The following PDXK variants were observed in gnomAD, a reference collection of about 807,000 sequenced individuals.
PDXK encodes the protein epididymis secretory sperm binding protein Li 1a.
Under a neutral mutation model 43.2 loss-of-function variants are expected in PDXK, and 15 were observed. That is an observed-to-expected ratio of 0.35 (90% confidence interval 0.23 to 0.53). The LOEUF (loss-of-function observed/expected upper bound fraction) is 0.53, where lower values mean the gene tolerates loss of function less well. Ranked by LOEUF, PDXK falls within the 20% of genes least tolerant of loss-of-function variation. The pLI is 0.92. For synonymous variants in PDXK, 172 were observed against 165.4 expected, an observed-to-expected ratio of 1.04 and a Z score of -0.31; for missense variants, 343 against 417.0, an observed-to-expected ratio of 0.82 and a Z score of 1.54.
intron 1 of PDXK, among the ~76,000 whole-genome samples, chr21:43,731,693 T>C (rs2083320225): frequency 4.7e-5 from 7 of 148,630 alleles, no homozygotes. Context: ...GGCTGAACCT[T>C]GGACCAAGAA....
rs1247524106 is a variant in PDXK at position 43,741,781 on chromosome 21, G to A, written c.247+10G>A. The A allele has an allele frequency of 4.5e-6, 7 of 1,565,790 alleles. No homozygotes were observed. Among genetic ancestry groups the A allele is most frequent in the Admixed American group, 1.7e-5 (1 of 59,892 alleles). On this transcript the variant is annotated intron_variant, in intron 3 of 10. Coordinates refer to ENST00000291565, the MANE Select transcript of PDXK (RefSeq NM_003681.5). The stretch of plus-strand genomic sequence containing the variant: ...GACTACGTGCTCACAGGTAGGTGCC[G>A]GAGCAAGCTGCCGCAGGGGACTACG...
chr21:43,733,613 C>G (rs941279256), intron 1 of PDXK: 3 of 1,039,204 alleles, frequency 2.9e-6, no homozygotes, highest in Non-Finnish European at 2.3e-6. Context: ...CCCGCGGAGC[C>G]CTTGGCCTGA....
Position 43,719,159 on chromosome 21 carries a change from C to T in PDXK, c.-136C>T, listed in dbSNP as rs1337079648. ...AAGGAGGCGTCTGCGCTGATCGGGT[C>T]CGCCGCGCGCCAGAGCCAGAGTCGC... On this transcript the variant is annotated 5_prime_UTR_variant, in exon 1 of 11. Coordinates refer to ENST00000291565, the MANE Select transcript of PDXK (RefSeq NM_003681.5). The T allele has an allele frequency of 2.7e-6, 1 of 363,966 alleles. No individual in the cohort carries two copies. The highest frequency in any genetic ancestry group is 4.6e-6 in the Non-Finnish European group (1 of 215,970). The allele number at this position is 363,966 out of a possible 1,614,324, so 22.5% of individuals were successfully genotyped here.
At position 43,719,325 on chromosome 21, in the gene PDXK, C is replaced by G; in HGVS notation, c.31C>G (p.Gln11Glu). Reference sequence around the variant, plus strand: ...GGAGGAGTGCCGGGTGCTCTCCATACAGAGCCACGTCATCCGCGGCTACGT... The same window carrying G: ...GGAGGAGTGCCGGGTGCTCTCCATAGAGAGCCACGTCATCCGCGGCTACGT... The part of the protein sequence containing the change: MEEECRVLSI[Q>E]SHVIRGYVGN... Residue 11 changes from glutamine to glutamate, a missense_variant, in exon 1 of 11, where the codon CAG becomes GAG. Physicochemically the swap from Gln to Glu is conservative, Grantham distance 29. Coordinates refer to ENST00000291565, the MANE Select transcript of PDXK (RefSeq NM_003681.5). The G allele has an allele frequency of 6.6e-7, 1 of 1,518,678 alleles. No individual in the cohort carries two copies. Among genetic ancestry groups the G allele is most frequent in the Non-Finnish European group, 8.8e-7 (1 of 1,134,644 alleles). The allele number at this position is 1,518,678 out of a possible 1,614,324, so 94.1% of individuals were successfully genotyped here. A position where few individuals can be genotyped will look rare whatever the true frequency, so the allele number is the denominator to read the frequency against.
rs933206675 is a variant in PDXK, at chr21:43,761,677, C to T, written c.*5614C>T. The T allele has an allele frequency of 7.1e-6, 1 of 140,564 alleles. No homozygotes were observed. The allele number at this position is 140,564 out of a possible 1,614,324, so 8.7% of individuals were successfully genotyped here. On this transcript the variant is annotated 3_prime_UTR_variant, in exon 11 of 11. Transcript: ENST00000291565. The stretch of plus-strand genomic sequence containing the variant: ...GTGACTTTCTAACCCAAGACCCAGC[C>T]CCTGGCAGGAGGAGGGTGGGTGCAG...
chr21:43,744,334 T>A (rs1277640695), intron 4 of PDXK: 1 of 160,098 alleles, frequency 6.2e-6, no homozygotes, highest in African/African-American at 2.4e-5. Flanking sequence ...GCTGGATCCA[T>A]CTTGACGCCT....
chr21:43,724,960 T>G (rs2147206261), intron 1 of PDXK, among the ~76,000 whole-genome samples: 1 of 151,720 alleles, frequency 6.6e-6, no homozygotes, highest in African/African-American at 2.4e-5. Flanking sequence ...AAAAATCCCC[T>G]GCTCTGCAAA....
rs1555885476 is a variant in PDXK at position 43,749,041 on chromosome 21, C to G, written c.425C>G (p.Pro142Arg). The change falls in exon 6 of 11, where the codon CCG becomes CGG. Residue 142 changes from proline to arginine, a missense_variant. Pro to Arg is a moderately radical substitution (Grantham distance 103, BLOSUM62 -2). Transcript: ENST00000291565. ...CCCGTCTACAAAGAAAAAGTGGTGC[C>G]GCTTGCAGACATTATCACGCCCAAC... ...LLPVYKEKVV[P>R]LADIITPNQF... 1 of 1,612,508 alleles carries G rather than the reference C, an allele frequency of 6.2e-7. No homozygotes were observed. Among genetic ancestry groups the G allele is most frequent in the Non-Finnish European group, 8.5e-7 (1 of 1,178,798 alleles).
rs114007135 is a variant in PDXK, at chr21:43,725,966, C to T, written c.87+6585C>T. Among the ~76,000 whole-genome samples the T allele has an allele frequency of 3.6e-3, 543 of 152,304 alleles. 2 individuals are homozygous for T. Among genetic ancestry groups the T allele is most frequent in the African/African-American group, 0.013 (535 of 41,558 alleles). ...TGTCCTCGGAACGTTCCCACGTGCT[C>T]TCCAGGCCATGCTGGGCAGCTGGCT... On this transcript the variant is annotated intron_variant, in intron 1 of 10. Coordinates refer to ENST00000291565, the MANE Select transcript of PDXK (RefSeq NM_003681.5).
chr21:43,740,325 G>A (rs939423389), intron 2 of PDXK, among the ~76,000 whole-genome samples: 20 of 152,148 alleles, frequency 1.3e-4, no homozygotes, highest in African/African-American at 4.8e-4. Flanking sequence ...GGGAATTCAG[G>A]GGATCTTAGC....
intron 3 of PDXK, among the ~76,000 whole-genome samples, chr21:43,742,247 A>C (rs1180269686): frequency 6.6e-6 from 1 of 152,208 alleles, no homozygotes; most frequent in African/African-American, 2.4e-5. Flanking sequence ...TGGCACAATC[A>C]TAGCTCACTG....
chr21:43,744,307 G>A (rs527754352), intron 4 of PDXK, among the ~76,000 whole-genome samples: 16 of 152,306 alleles, frequency 1.1e-4, no homozygotes, highest in Admixed American at 6.5e-4. Context: ...TCGGTCTTTC[G>A]TTAGAGGCCA....
intron 1 of PDXK, chr21:43,729,044 G>T: frequency 2.0e-6 from 2 of 984,564 alleles, no homozygotes; most frequent in East Asian, 1.1e-4. Flanking sequence ...ACGGATGAGC[G>T]GGGCAAAGCC....
rs961441565 is a variant in PDXK, at chr21:43,761,835, C to A, written c.*5772C>A. Reference sequence around the variant, plus strand: ...GGTCCCCATGAGGTGTCTGAAGCCCCTTCTTGGTGATGGGAGGCAGAGGTG... The same window carrying A: ...GGTCCCCATGAGGTGTCTGAAGCCCATTCTTGGTGATGGGAGGCAGAGGTG... On this transcript the variant is annotated 3_prime_UTR_variant, in exon 11 of 11. Coordinates refer to ENST00000291565, the MANE Select transcript of PDXK (RefSeq NM_003681.5). 2.0e-5 allele frequency: 3 copies of A among 153,272 alleles called. No individual in the cohort carries two copies. In the Admixed American group the frequency reaches 2.0e-4, roughly 10 times the overall value. 9.5% of individuals were successfully genotyped at this position (153,272 alleles called of 1,614,324 possible). A position where few individuals can be genotyped will look rare whatever the true frequency, so the allele number is the denominator to read the frequency against.
In PDXK at chr21:43,750,564, G is replaced by A. The variant is rs1333647904; in HGVS notation, c.510+19G>A. On this transcript the variant is annotated intron_variant, in intron 7 of 10. Transcript: ENST00000291565. ...CTTGCGGGTAAGGAGGCCCTCTGGG[G>A]CCTGTGCGGGGCACATGTGCCGCTC... 6.2e-7 allele frequency: 1 copy of A among 1,606,914 alleles called. No individual in the cohort carries two copies.
chr21:43,720,422 T>A (rs2083197752), intron 1 of PDXK, among the ~76,000 whole-genome samples: 1 of 152,082 alleles, frequency 6.6e-6, no homozygotes, highest in African/African-American at 2.4e-5. Flanking sequence ...GGAGCAGAGC[T>A]TCAGTGGAAT....
Position 43,732,139 on chromosome 21 carries a change from G to C in PDXK, c.88-1930G>C. ...TGACAGAAGCCCATTCTCTTCGCAGGCTTCAGTTTCACATTCTTGGTACCT... is the reference window on the plus strand; with the variant it reads ...TGACAGAAGCCCATTCTCTTCGCAGCCTTCAGTTTCACATTCTTGGTACCT... On this transcript the variant is annotated intron_variant, in intron 1 of 10. Coordinates refer to ENST00000291565, the MANE Select transcript of PDXK (RefSeq NM_003681.5). This position sits in a 1 kb window ranked among gnomAD's most constrained non-coding sequence, Gnocchi z 4.1. 7.3e-7 allele frequency: 1 copy of C among 1,368,116 alleles called. No homozygotes were observed. The highest frequency in any genetic ancestry group is 1.7e-5 in the South Asian group (1 of 57,486). 84.7% of individuals were successfully genotyped at this position (1,368,116 alleles called of 1,614,324 possible). A position where few individuals can be genotyped will look rare whatever the true frequency, so the allele number is the denominator to read the frequency against.
At chr21:43,739,913 C>T (rs1281314600) in intron 2 of PDXK, among the ~76,000 whole-genome samples, 1 of 151,818 alleles carries the variant, frequency 6.6e-6, no homozygotes, top group Admixed American at 6.6e-5. Context: ...AACCCCGCCC[C>T]AGCCTGGCAG....
chr21:43,755,593 G>A (rs1206235951), intron 9 of PDXK, 105 bp from the exon 10 acceptor site: 1 of 971,476 alleles, frequency 1.0e-6, no homozygotes, highest in Non-Finnish European at 1.7e-6. Flanking sequence ...GTGGCTCGGA[G>A]AGCAGGACGG....
Sources: gnomAD v4.1 joint callset for allele counts (sites outside exome capture counted in the v4.1 genomes callset) on GRCh38, gnomAD v4.1.1 for gene constraint, Gnocchi (gnomAD v3.1) non-coding constraint, MANE v1.5 for transcripts, NCBI Gene and HGNC (gene_info 2026-07-23, HGNC 2026-07-21) for gene names.